Variants in CSMD2 observed in about 807,000 individuals in gnomAD.
The protein encoded by CSMD2 is CUB and sushi domain-containing protein 2.
CSMD2 carries 130 observed loss-of-function variants against 398.5 expected under a neutral mutation model. The ratio of observed to expected loss-of-function variants is 0.33; its 90% confidence interval spans 0.28 to 0.38. CSMD2 has a LOEUF of 0.38. Ranked by LOEUF, CSMD2 falls within the 10% of genes least tolerant of loss-of-function variation. CSMD2 has a pLI of 1.00. For missense variants in CSMD2, 3,829 were observed against 4,764.9 expected (o/e 0.80, Z 5.78); for synonymous variants, 1,828 against 1,908.5 (o/e 0.96, Z 1.10).
chr1:33,857,327 C>G (rs1404564531), intron 5 of CSMD2, among the ~76,000 whole-genome samples: 1 of 152,190 alleles, frequency 6.6e-6, no homozygotes, highest in East Asian at 1.9e-4. Flanking sequence ...TGCCGTCCAC[C>G]TGGATTAATG....
chr1:34,068,431 TA>T (rs1655357993), intron 2 of CSMD2, among the ~76,000 whole-genome samples: 2 of 152,232 alleles, frequency 1.3e-5, no homozygotes, highest in Non-Finnish European at 2.9e-5. Flanking sequence ...TACAAAAGAT[TA>T]AAAAATTATT....
At chr1:33,657,264 C>T (rs1643974633) in intron 27 of CSMD2, among the ~76,000 whole-genome samples, 1 of 152,096 alleles carries the variant, frequency 6.6e-6, no homozygotes, top group African/African-American at 2.4e-5. Flanking sequence ...CCAGGAGTTC[C>T]AGACCAGCCT....
intron 3 of CSMD2, among the ~76,000 whole-genome samples, chr1:33,999,981 T>A (rs896373815): frequency 4.6e-5 from 7 of 152,164 alleles, no homozygotes; most frequent in Admixed American, 2.0e-4. Flanking sequence ...TTACATTTTT[T>A]AATCTCTCTT....
intron 22 of CSMD2, among the ~76,000 whole-genome samples, chr1:33,703,276 G>A (rs781137690): frequency 3.9e-5 from 6 of 152,086 alleles, no homozygotes; most frequent in South Asian, 2.1e-4. Context: ...ATGTATAGAC[G>A]GATTTGAGAA....
intron 3 of CSMD2, among the ~76,000 whole-genome samples, chr1:33,937,442 G>T (rs1345318421): frequency 2.0e-5 from 3 of 152,186 alleles, no homozygotes; most frequent in South Asian, 4.1e-4. Context: ...GTAAAAGAGT[G>T]GGGTGGCAGT....
intron 3 of CSMD2, among the ~76,000 whole-genome samples, chr1:33,969,312 A>G (rs961527241): frequency 3.3e-5 from 5 of 152,374 alleles, no homozygotes; most frequent in Admixed American, 6.5e-5. Flanking sequence ...AGATGGGGTT[A>G]AAGTATACTA....
intron 5 of CSMD2, among the ~76,000 whole-genome samples, chr1:33,880,965 C>A (rs1304913301): frequency 1.3e-5 from 2 of 152,066 alleles, no homozygotes; most frequent in African/African-American, 2.4e-5. Flanking sequence ...TATTTTTGGA[C>A]CTTCATGCTC....
At chr1:33,996,427 A>G (rs1646729176) in intron 3 of CSMD2, among the ~76,000 whole-genome samples, 1 of 152,194 alleles carries the variant, frequency 6.6e-6, no homozygotes, top group Non-Finnish European at 1.5e-5. Context: ...TGCATATATC[A>G]GCTGTCAGGG....
chr1:33,534,030 G>T, intron 62 of CSMD2, 123 bp from the exon 63 acceptor site: 1 of 624,050 alleles, frequency 1.6e-6, no homozygotes, highest in Non-Finnish European at 2.9e-6. Flanking sequence ...CTCTTTTTCT[G>T]ATTCTCCGCC....
intron 29 of CSMD2, among the ~76,000 whole-genome samples, chr1:33,638,379 G>A (rs1190008394): frequency 6.6e-6 from 1 of 152,158 alleles, no homozygotes; most frequent in Non-Finnish European, 1.5e-5. Flanking sequence ...GAAAAATTAA[G>A]TAACTTGGAA....
Position 33,643,748 on chromosome 1 carries a change from G to A in CSMD2, c.4774+2900C>T, listed in dbSNP as rs567059984. 9.2e-5 allele frequency among the ~76,000 whole-genome samples: 14 copies of A among 152,246 alleles called. No individual in the cohort carries two copies. The South Asian group carries it at 2.7e-3, about 29-fold the overall frequency. On this transcript the variant is annotated intron_variant, in intron 29 of 70. Coordinates refer to ENST00000373381, the MANE Select transcript of CSMD2 (RefSeq NM_001281956.2). ...TGATAGCAAAGTAGACCCATTCCAG[G>A]AATCCAGGGATCCTGGCATAGGCAG...
rs979559599 is a variant in CSMD2, at chr1:33,624,070, G to A, written c.5625+449C>T. Among the ~76,000 whole-genome samples the A allele has an allele frequency of 6.6e-6, 1 of 152,166 alleles. No individual in the cohort carries two copies. The highest frequency in any genetic ancestry group is 1.9e-4 in the East Asian group (1 of 5,196). The stretch of plus-strand genomic sequence containing the variant: ...GGGTTCTCTGTGCTTCAGCTGTGCT[G>A]GGTGCTTTGCTCTTTCTTCTCATTA... On this transcript the variant is annotated intron_variant, in intron 35 of 70. Transcript: ENST00000373381. This position sits in a 1 kb window ranked among gnomAD's most constrained non-coding sequence, Gnocchi z 4.7.
intron 1 of CSMD2, among the ~76,000 whole-genome samples, chr1:34,094,150 G>T (rs1419859919): frequency 6.6e-6 from 1 of 151,762 alleles, no homozygotes; most frequent in East Asian, 1.9e-4. Flanking sequence ...TTCATATCCA[G>T]CCAAACTAAG....
At chr1:33,650,758 C>T (rs1313511654) in intron 28 of CSMD2, among the ~76,000 whole-genome samples, 2 of 152,158 alleles carry the variant, frequency 1.3e-5, no homozygotes, top group Non-Finnish European at 2.9e-5. Flanking sequence ...GTGTGCCACT[C>T]TATCAGTTTT....
In CSMD2 at chr1:33,914,376, C is replaced by T. The variant is rs575344104; in HGVS notation, c.920+3718G>A. 1.2e-3 allele frequency among the ~76,000 whole-genome samples: 173 copies of T among 147,872 alleles called. 1 individual carries two copies. The highest frequency in any genetic ancestry group is 6.9e-3 in the Middle Eastern group (2 of 288). ...GACTTGGAAAGGTATGTGTCAGAGACGATTTGGCAGTGTGTGTGTGTGTGT... is the reference window on the plus strand; with the variant it reads ...GACTTGGAAAGGTATGTGTCAGAGATGATTTGGCAGTGTGTGTGTGTGTGT... On this transcript the variant is annotated intron_variant, in intron 5 of 70. Coordinates refer to ENST00000373381, the MANE Select transcript of CSMD2 (RefSeq NM_001281956.2).
At position 33,759,849 on chromosome 1, in the gene CSMD2, A is replaced by G. The variant is rs1432016364; in HGVS notation, c.1846+12720T>C. ...AAGATGGCACTATGGATAATTACCTAGAACAAAAGATGTAAACTGGGATTG... is the reference window on the plus strand; with the variant it reads ...AAGATGGCACTATGGATAATTACCTGGAACAAAAGATGTAAACTGGGATTG... On this transcript the variant is annotated intron_variant, in intron 13 of 70. Transcript: ENST00000373381. Among the ~76,000 whole-genome samples the G allele has an allele frequency of 2.0e-5, 3 of 152,172 alleles. 1 individual carries two copies. The highest frequency in any genetic ancestry group is 7.2e-5 in the African/African-American group (3 of 41,438).
intron 2 of CSMD2, among the ~76,000 whole-genome samples, chr1:34,052,655 T>C (rs1038750323): frequency 1.3e-5 from 2 of 152,102 alleles, no homozygotes; most frequent in Admixed American, 1.3e-4. Context: ...ATTGCCTATC[T>C]TCCTCTATCT....
intron 1 of CSMD2, among the ~76,000 whole-genome samples, chr1:34,145,868 C>T (rs1339545830): frequency 2.6e-5 from 4 of 152,130 alleles, no homozygotes; most frequent in Admixed American, 1.3e-4. Context: ...CCATCATTCT[C>T]GTGCCAAGAG....
Position 33,536,205 on chromosome 1 carries a change from AC to A in CSMD2, c.9879+816del, listed in dbSNP as rs564616499. On this transcript the variant is annotated intron_variant, in intron 62 of 70. Transcript: ENST00000373381. ...CACCTAATTGTCCTGCCTTGAACAC[AC>A]CCATTCTTCCTTTTCTTTTCTCTTC... 7.9e-5 allele frequency among the ~76,000 whole-genome samples: 12 copies of A among 152,022 alleles called. No homozygotes were observed. In the East Asian group the frequency reaches 2.3e-3, roughly 29 times the overall value.
Sources: gnomAD v4.1 joint callset for allele counts (sites outside exome capture counted in the v4.1 genomes callset) on GRCh38, gnomAD v4.1.1 for gene constraint, Gnocchi (gnomAD v3.1) non-coding constraint, MANE v1.5 for transcripts, NCBI Gene and HGNC (gene_info 2026-07-23, HGNC 2026-07-21) for gene names.